LOC400499: variants seen among roughly 807,000 people sequenced by gnomAD.
chr16:11,422,962 T>C, the LOC400499 span, among the ~76,000 whole-genome samples: 1 of 152,150 alleles, frequency 6.6e-6, no homozygotes, highest in Non-Finnish European at 1.5e-5. Context: ...TCGATGACCA[T>C]CAGGTTGAGC....
At chr16:11,434,922 A>T in the LOC400499 span, among the ~76,000 whole-genome samples, 1 of 152,196 alleles carries the variant, frequency 6.6e-6, no homozygotes, top group Non-Finnish European at 1.5e-5. Context: ...CCAGACGGAG[A>T]CGCACATTCC....
chr16:11,396,341 C>A, the LOC400499 span: 1 of 626,366 alleles, frequency 1.6e-6, no homozygotes, highest in Middle Eastern at 5.0e-4. Context: ...GGCGTTCCCC[C>A]GACCCAGAAT....
the LOC400499 span, chr16:11,478,451 G>T: frequency 2.5e-6 from 1 of 398,494 alleles, no homozygotes; most frequent in South Asian, 1.4e-4. Flanking sequence ...TGGGCAGCCT[G>T]ACTCCAAATT....
At chr16:11,476,203 G>T in the LOC400499 span, among the ~76,000 whole-genome samples, 1 of 152,016 alleles carries the variant, frequency 6.6e-6, no homozygotes, top group Admixed American at 6.6e-5. Flanking sequence ...ATGCGAGGAG[G>T]GAGGAGGGAG....
At chr16:11,445,383 T>C in the LOC400499 span, among the ~76,000 whole-genome samples, 1 of 151,096 alleles carries the variant, frequency 6.6e-6, no homozygotes, top group Non-Finnish European at 1.5e-5. Context: ...ACTGCACCAC[T>C]ACACTCCGGC....
the LOC400499 span, among the ~76,000 whole-genome samples, chr16:11,504,956 T>G: frequency 1.3e-5 from 2 of 151,962 alleles, no homozygotes; most frequent in East Asian, 3.9e-4. Flanking sequence ...ACTACGCCAC[T>G]AGTTACTTAG....
At chr16:11,431,501 G>A in the LOC400499 span, among the ~76,000 whole-genome samples, 6 of 152,148 alleles carry the variant, frequency 3.9e-5, no homozygotes, top group Non-Finnish European at 4.4e-5. Context: ...CGCCTCCTGG[G>A]TTCAAGCGAT....
chr16:11,473,032 C>T, the LOC400499 span: 1 of 151,912 alleles, frequency 6.6e-6, no homozygotes, highest in Admixed American at 6.6e-5. Flanking sequence ...AGGAGAATCG[C>T]TTAAACCCGG....
the LOC400499 span, among the ~76,000 whole-genome samples, chr16:11,508,418 G>A: frequency 3.3e-5 from 5 of 152,244 alleles, no homozygotes; most frequent in Non-Finnish European, 2.9e-5. Context: ...CTAGGCCTGG[G>A]AGATTAGACT....
At chr16:11,469,022 C>A in the LOC400499 span, among the ~76,000 whole-genome samples, 1,401 of 152,238 alleles carry the variant, frequency 9.2e-3, 23 homozygotes, top group African/African-American at 0.032. Flanking sequence ...TTATACATTT[C>A]TGGGTAATAG....
the LOC400499 span, among the ~76,000 whole-genome samples, chr16:11,490,562 G>A: frequency 7.9e-5 from 12 of 152,188 alleles, no homozygotes; most frequent in Admixed American, 4.6e-4. Context: ...TTAGCTGGGC[G>A]AGGTGGTGGC....
the LOC400499 span, chr16:11,457,172 G>A: frequency 2.2e-5 from 18 of 833,206 alleles, no homozygotes; most frequent in Middle Eastern, 3.6e-4. Context: ...GGAGTGGAAC[G>A]CAGTCCAAAA....
the LOC400499 span, chr16:11,488,808 G>A: frequency 9.5e-5 from 38 of 398,968 alleles, 1 homozygote; most frequent in Middle Eastern, 1.3e-3. Context: ...CGGAGGGCCC[G>A]TTTCAGGGGG....
the LOC400499 span, chr16:11,393,363 G>C: frequency 3.2e-6 from 4 of 1,230,866 alleles, no homozygotes; most frequent in East Asian, 9.5e-5. Flanking sequence ...GGCCCAGCTA[G>C]CTGAGCTGGG....
chr16:11,484,521 G>T, the LOC400499 span, among the ~76,000 whole-genome samples: 1 of 152,176 alleles, frequency 6.6e-6, no homozygotes, highest in Non-Finnish European at 1.5e-5. Flanking sequence ...CCAGAAGTCA[G>T]AAGAGTGGTT....
At chr16:11,502,266 C>T in the LOC400499 span, 5 of 397,684 alleles carry the variant, frequency 1.3e-5, no homozygotes, top group African/African-American at 1.0e-4. Context: ...CCTGTAAGCA[C>T]AACCGTGGGG....
chr16:11,428,629 C>T, the LOC400499 span, among the ~76,000 whole-genome samples: 1 of 152,184 alleles, frequency 6.6e-6, no homozygotes, highest in African/African-American at 2.4e-5. Flanking sequence ...GGCTTCTTTA[C>T]TGAAACCTGT....
the LOC400499 span, among the ~76,000 whole-genome samples, chr16:11,448,738 AAAGAAGGAAAAGG>A: frequency 6.6e-6 from 1 of 152,116 alleles, no homozygotes; most frequent in Non-Finnish European, 1.5e-5. Flanking sequence ...ATATATAAGA[AAAGAAGGAAAAGG>A]AAAAAGGAAA....
At chr16:11,382,732 C>CCAGGAGGTGGAAGTTGCAGAAT in the LOC400499 span, among the ~76,000 whole-genome samples, 3 of 151,898 alleles carry the variant, frequency 2.0e-5, no homozygotes, top group African/African-American at 7.3e-5. Context: ...ACTGCTTGAA[C>CCAGGAGGTGGAAGTTGCAGAAT]CCAGGAGGTG....
Sources: gnomAD v4.1 joint callset for allele counts (sites outside exome capture counted in the v4.1 genomes callset) on GRCh38, gnomAD v4.1.1 for gene constraint, MANE v1.5 for transcripts.